Variants in STXBP6 observed in about 807,000 individuals in gnomAD.
STXBP6 encodes syntaxin binding protein 6, also known as syntaxin-binding protein 6.
Under a neutral mutation model 26.9 loss-of-function variants are expected in STXBP6, and 21 were observed. The observed-to-expected ratio is 0.78, with a 90% confidence interval of 0.55 to 1.12. The LOEUF (loss-of-function observed/expected upper bound fraction) is 1.12, where lower values mean the gene tolerates loss of function less well. Among genes scored for constraint, STXBP6 ranks in the 50% most tolerant of loss-of-function variants. The probability of loss-of-function intolerance (pLI) is 0.00; values close to 1 mark genes in which losing one functional copy is unlikely to be tolerated. For missense variants in STXBP6, 232 were observed against 257.9 expected, an observed-to-expected ratio of 0.90 and a Z score of 0.69; for synonymous variants, 97 against 92.6, an observed-to-expected ratio of 1.05 and a Z score of -0.27.
chr14:25,023,598 C>G (rs1307277506), intron 1 of STXBP6, among the ~76,000 whole-genome samples: 1 of 151,870 alleles, frequency 6.6e-6, no homozygotes, highest in African/African-American at 2.4e-5. Flanking sequence ...TACTTGAGGC[C>G]AGGAGTTTGA....
chr14:24,893,939 T>A (rs1384339751), intron 2 of STXBP6, among the ~76,000 whole-genome samples: 1 of 152,056 alleles, frequency 6.6e-6, no homozygotes, highest in Non-Finnish European at 1.5e-5. Flanking sequence ...GATAATTAAA[T>A]ATAAATAAGA....
chr14:24,964,937 C>T (rs1435734188), intron 2 of STXBP6, among the ~76,000 whole-genome samples: 1 of 152,164 alleles, frequency 6.6e-6, no homozygotes, highest in Non-Finnish European at 1.5e-5. Flanking sequence ...TTCTAACTCC[C>T]TGTGAAGCAG....
intron 2 of STXBP6, among the ~76,000 whole-genome samples, chr14:24,890,648 T>C (rs897149075): frequency 4.6e-5 from 7 of 152,178 alleles, no homozygotes; most frequent in Admixed American, 3.3e-4. Flanking sequence ...AAATGTCCTA[T>C]AGAAAAGATA....
chr14:24,949,639 C>A (rs985421631), intron 2 of STXBP6, among the ~76,000 whole-genome samples: 4 of 152,196 alleles, frequency 2.6e-5, no homozygotes, highest in Non-Finnish European at 1.5e-5. Context: ...TGGCCAAAAT[C>A]TATTTCTTTA....
At chr14:24,934,185 G>A (rs1207098869) in intron 2 of STXBP6, among the ~76,000 whole-genome samples, 1 of 152,084 alleles carries the variant, frequency 6.6e-6, no homozygotes, top group Non-Finnish European at 1.5e-5. Context: ...AAAACAAATT[G>A]AACTTGTAGA....
At chr14:24,902,113 A>G (rs1236043667) in intron 2 of STXBP6, among the ~76,000 whole-genome samples, 2 of 152,194 alleles carry the variant, frequency 1.3e-5, no homozygotes, top group African/African-American at 4.8e-5. Flanking sequence ...AAAAATTTTA[A>G]GAAATGTAAG....
At chr14:24,973,874 C>T (rs1222254564) in intron 2 of STXBP6, among the ~76,000 whole-genome samples, 1 of 151,850 alleles carries the variant, frequency 6.6e-6, no homozygotes, top group Non-Finnish European at 1.5e-5. Flanking sequence ...AGTTTTATTC[C>T]CAAAACTACA....
At chr14:24,932,053 C>T (rs529523893) in intron 2 of STXBP6, among the ~76,000 whole-genome samples, 3 of 152,222 alleles carry the variant, frequency 2.0e-5, no homozygotes, top group Admixed American at 6.5e-5. Flanking sequence ...AGTACTAGAT[C>T]GTTTAGGATC....
intron 2 of STXBP6, among the ~76,000 whole-genome samples, chr14:24,928,525 C>T (rs1206541209): frequency 2.0e-5 from 3 of 152,126 alleles, no homozygotes; most frequent in Non-Finnish European, 4.4e-5. Context: ...CTATTAACAA[C>T]CTCATACTGT....
intron 2 of STXBP6, among the ~76,000 whole-genome samples, chr14:24,925,224 G>C (rs149832117): frequency 6.6e-6 from 1 of 152,266 alleles, no homozygotes; most frequent in Non-Finnish European, 1.5e-5. Context: ...TAGACATCCA[G>C]CTCTTGACAG....
intron 4 of STXBP6, among the ~76,000 whole-genome samples, chr14:24,831,115 A>AAGCAT (rs1196475990): frequency 6.6e-6 from 1 of 152,158 alleles, no homozygotes; most frequent in Non-Finnish European, 1.5e-5. Context: ...TCCTAGAAGA[A>AAGCAT]AGCATAGGTG....
In STXBP6 at chr14:25,036,036, G is replaced by C. The variant is rs2075543998; in HGVS notation, c.-33+13842C>G. ...GGTTCGAGACCAGCCCAGACAACAT[G>C]GTGAAACCCCGTCTCTACAAAAAAT... On this transcript the variant is annotated intron_variant, in intron 1 of 5. Coordinates refer to ENST00000323944, the MANE Select transcript of STXBP6 (RefSeq NM_001394410.1). 2.0e-5 allele frequency among the ~76,000 whole-genome samples: 3 copies of C among 151,962 alleles called. No individual in the cohort carries two copies. The South Asian group carries it at 6.3e-4, about 32-fold the overall frequency.
intron 2 of STXBP6, among the ~76,000 whole-genome samples, chr14:24,935,150 A>G (rs1453288515): frequency 6.6e-6 from 1 of 152,180 alleles, no homozygotes; most frequent in African/African-American, 2.4e-5. Context: ...AAAATCCTTT[A>G]GTAAATATGA....
intron 2 of STXBP6, among the ~76,000 whole-genome samples, chr14:24,865,634 C>T (rs1480466136): frequency 1.3e-5 from 2 of 152,140 alleles, no homozygotes; most frequent in Non-Finnish European, 2.9e-5. Flanking sequence ...GGAATAGTGC[C>T]TGTTTCCATC....
At chr14:24,946,995 C>A (rs1304893089) in intron 2 of STXBP6, among the ~76,000 whole-genome samples, 1 of 152,094 alleles carries the variant, frequency 6.6e-6, no homozygotes, top group Non-Finnish European at 1.5e-5. Context: ...AGCTACATAG[C>A]ATGAGTTACT....
intron 1 of STXBP6, among the ~76,000 whole-genome samples, chr14:24,979,943 C>T (rs1453694533): frequency 6.6e-6 from 1 of 152,168 alleles, no homozygotes; most frequent in Non-Finnish European, 1.5e-5. Context: ...ATGATTCAAG[C>T]TTAACTGTAC....
chr14:24,857,219 A>G, intron 2 of STXBP6, 62 bp from the exon 3 acceptor site: 1 of 1,606,322 alleles, frequency 6.2e-7, no homozygotes, highest in Non-Finnish European at 8.5e-7. Context: ...TTCCACATTC[A>G]GTGCTGTTTC....
At chr14:24,932,529 T>C (rs1322979857) in intron 2 of STXBP6, among the ~76,000 whole-genome samples, 1 of 151,870 alleles carries the variant, frequency 6.6e-6, no homozygotes, top group Non-Finnish European at 1.5e-5. Flanking sequence ...CTAAAAAAAA[T>C]AAATAAATAA....
intron 1 of STXBP6, among the ~76,000 whole-genome samples, chr14:25,013,466 T>TCACACACACACA (rs3219652): frequency 4.1e-4 from 59 of 143,254 alleles, no homozygotes; most frequent in African/African-American, 5.1e-4. Context: ...CATCTCTCTT[T>TCACACACACACA]CACACACACA....
Sources: allele counts gnomAD v4.1 joint callset (sites outside exome capture counted in the v4.1 genomes callset), GRCh38; gene constraint gnomAD v4.1.1; transcripts MANE v1.5; gene names NCBI Gene and HGNC (gene_info 2026-07-23, HGNC 2026-07-21).